SPAG16: variants seen among roughly 807,000 people sequenced by gnomAD.
The protein encoded by SPAG16 is sperm associated antigen 16.
Under a neutral mutation model 80.4 loss-of-function variants are expected in SPAG16, and 86 were observed. That is an observed-to-expected ratio of 1.07 (90% CI 0.90 to 1.28). The LOEUF (loss-of-function observed/expected upper bound fraction) is 1.28, where lower values mean the gene tolerates loss of function less well. Among genes scored for constraint, SPAG16 ranks in the 50% most tolerant of loss-of-function variants. SPAG16 has a pLI of 0.00. For synonymous variants in SPAG16, 294 were observed against 265.9 expected, an observed-to-expected ratio of 1.11 and a Z score of -1.03; for missense variants, 870 against 765.3, an observed-to-expected ratio of 1.14 and a Z score of -1.61.
At chr2:213,344,006 G>A (rs977681599) in intron 6 of SPAG16, among the ~76,000 whole-genome samples, 1 of 152,104 alleles carries the variant, frequency 6.6e-6, no homozygotes, top group African/African-American at 2.4e-5. Flanking sequence ...GAAGACTGGA[G>A]TTGATCACTG....
At chr2:213,903,531 A>G (rs554635752) in intron 11 of SPAG16, among the ~76,000 whole-genome samples, 2 of 152,218 alleles carry the variant, frequency 1.3e-5, no homozygotes, top group East Asian at 1.9e-4. Flanking sequence ...CCTAGACTGC[A>G]AACAGCATGG....
At chr2:214,078,523 G>A (rs1291356635) in intron 13 of SPAG16, among the ~76,000 whole-genome samples, 4 of 130,596 alleles carry the variant, frequency 3.1e-5, no homozygotes, top group African/African-American at 1.2e-4. Context: ...ACCACTGTAA[G>A]AGCCTGTCTC....
intron 10 of SPAG16, among the ~76,000 whole-genome samples, chr2:213,816,606 C>T (rs1172435068): frequency 6.6e-6 from 1 of 151,886 alleles, no homozygotes; most frequent in Non-Finnish European, 1.5e-5. Flanking sequence ...TGCTTGACAT[C>T]TTATGAGATA....
intron 10 of SPAG16, among the ~76,000 whole-genome samples, chr2:213,613,599 C>G (rs1036719156): frequency 1.3e-5 from 2 of 152,188 alleles, no homozygotes; most frequent in Non-Finnish European, 2.9e-5. Context: ...TCTTTCCTAT[C>G]TAAATATTGT....
intron 11 of SPAG16, among the ~76,000 whole-genome samples, chr2:213,907,272 G>T (rs1171289903): frequency 6.6e-6 from 1 of 152,104 alleles, no homozygotes; most frequent in Non-Finnish European, 1.5e-5. Context: ...GATAGCATAT[G>T]AAAAGATTCT....
Position 213,375,017 on chromosome 2 carries a change from T to C in SPAG16, c.840T>C (p.His280=). Residue 280 remains histidine (H), a synonymous_variant, in exon 9 of 16, where the codon CAT becomes CAC. Transcript: ENST00000331683. ...SYHGPQIKVD[H]SREKENAPEG... is the part of the protein sequence containing the mutation. ...AATTATATTATCTTGTAGTTGATCA[T>C]AGTCGTGAAAAAGAAAATGCACCAG... 1.2e-6 allele frequency: 2 copies of C among 1,601,688 alleles called. No individual in the cohort carries two copies. Among genetic ancestry groups the C allele is most frequent in the Non-Finnish European group, 8.5e-7 (1 of 1,173,208 alleles).
At chr2:213,689,047 C>T (rs994458623) in intron 10 of SPAG16, among the ~76,000 whole-genome samples, 1 of 152,168 alleles carries the variant, frequency 6.6e-6, no homozygotes, top group Non-Finnish European at 1.5e-5. Context: ...GCAACCTCCA[C>T]CACCCTGGTT....
chr2:213,659,545 C>T (rs1047116815), intron 10 of SPAG16, among the ~76,000 whole-genome samples: 4 of 151,940 alleles, frequency 2.6e-5, no homozygotes, highest in Non-Finnish European at 5.9e-5. Flanking sequence ...TATTAGATTT[C>T]CTGTGGATGA....
At chr2:213,911,624 G>C (rs1343722807) in intron 11 of SPAG16, among the ~76,000 whole-genome samples, 2 of 152,046 alleles carry the variant, frequency 1.3e-5, no homozygotes, top group South Asian at 4.1e-4. Context: ...ATGATTATTT[G>C]TATATTTTTC....
At chr2:213,428,552 C>G (rs185810078) in intron 9 of SPAG16, among the ~76,000 whole-genome samples, 7 of 152,284 alleles carry the variant, frequency 4.6e-5, no homozygotes, top group Non-Finnish European at 7.4e-5. Context: ...AACAGAGGGG[C>G]TCCCACAGCC....
chr2:213,450,985 A>C (rs2071651620), intron 9 of SPAG16, among the ~76,000 whole-genome samples: 1 of 152,186 alleles, frequency 6.6e-6, no homozygotes, highest in Non-Finnish European at 1.5e-5. Flanking sequence ...GATCTGACAT[A>C]TAATTATGTG....
At chr2:213,752,753 T>C (rs1309075182) in intron 10 of SPAG16, among the ~76,000 whole-genome samples, 1 of 152,202 alleles carries the variant, frequency 6.6e-6, no homozygotes, top group Admixed American at 6.5e-5. Context: ...CATTAATGAA[T>C]AGGCTAATGC....
At chr2:213,372,149 A>G (rs1376520987) in intron 8 of SPAG16, among the ~76,000 whole-genome samples, 1 of 152,104 alleles carries the variant, frequency 6.6e-6, no homozygotes, top group East Asian at 1.9e-4. Flanking sequence ...AATTAATTTC[A>G]AAAAGCTTAT....
intron 13 of SPAG16, among the ~76,000 whole-genome samples, chr2:214,085,209 C>G (rs1352770195): frequency 6.6e-6 from 1 of 151,710 alleles, no homozygotes; most frequent in African/African-American, 2.4e-5. Context: ...AAGAGTGAGT[C>G]AAAAGACTTA....
chr2:213,477,112 C>G (rs1357890430), intron 9 of SPAG16, among the ~76,000 whole-genome samples: 1 of 152,040 alleles, frequency 6.6e-6, no homozygotes, highest in Non-Finnish European at 1.5e-5. Flanking sequence ...AGGCATCATT[C>G]AGAAGAAATC....
At chr2:213,752,639 C>A (rs542484794) in intron 10 of SPAG16, among the ~76,000 whole-genome samples, 23 of 152,298 alleles carry the variant, frequency 1.5e-4, no homozygotes, top group African/African-American at 5.5e-4. Flanking sequence ...TCCTCTGTTG[C>A]CTTGGTTTTG....
intron 11 of SPAG16, among the ~76,000 whole-genome samples, chr2:213,911,958 A>T (rs1036734526): frequency 2.0e-5 from 3 of 152,130 alleles, no homozygotes; most frequent in African/African-American, 4.8e-5. Flanking sequence ...GCACATAAGG[A>T]TGTACAATCA....
rs894954785 is a variant in SPAG16, at chr2:213,922,121, A to G, written c.1215-7839A>G. 5.9e-5 allele frequency among the ~76,000 whole-genome samples: 9 copies of G among 152,148 alleles called. 1 individual carries two copies. The highest frequency in any genetic ancestry group is 4.6e-4 in the Admixed American group (7 of 15,272). On this transcript the variant is annotated intron_variant, in intron 11 of 15. Transcript: ENST00000331683. ...TACAATATCCTGATATATGTTTTCC[A>G]AGTTGCTTACTTTCCCCCTGTCTCT...
At chr2:213,633,199 G>C (rs2062223409) in intron 10 of SPAG16, among the ~76,000 whole-genome samples, 2 of 152,212 alleles carry the variant, frequency 1.3e-5, no homozygotes, top group Non-Finnish European at 2.9e-5. Context: ...ATTCCTGGTA[G>C]GTTGTACGTA....
Sources: allele counts gnomAD v4.1 joint callset (sites outside exome capture counted in the v4.1 genomes callset), GRCh38; gene constraint gnomAD v4.1.1; transcripts MANE v1.5; gene names NCBI Gene and HGNC (gene_info 2026-07-23, HGNC 2026-07-21).